Variants in KIFC3 observed in about 807,000 individuals in gnomAD.
KIFC3 encodes the protein kinesin family member C3.
KIFC3 carries 60 observed loss-of-function variants against 101.8 expected under a neutral mutation model. The observed-to-expected ratio is 0.59, with a 90% CI of 0.48 to 0.73. The LOEUF is 0.73. KIFC3 is among the 30% of genes least tolerant of loss of function. The pLI is 0.00. For synonymous variants in KIFC3, 476 were observed against 482.7 expected, an observed-to-expected ratio of 0.99 and a Z score of 0.18; for missense variants, 966 against 1,137.1, an observed-to-expected ratio of 0.85 and a Z score of 2.16.
chr16:57,759,929 A>T (rs1179173675), intron 17 of KIFC3, 93 bp from the exon 18 acceptor site: 2 of 929,814 alleles, frequency 2.2e-6, no homozygotes, highest in African/African-American at 3.4e-5. Flanking sequence ...CCTGCCTCCT[A>T]ACACCCAGTT....
At position 57,758,891 on chromosome 16, in the gene KIFC3, G is replaced by A; in HGVS notation, c.*43C>T. On this transcript the variant is annotated 3_prime_UTR_variant, in exon 20 of 20. Transcript: ENST00000445690. ...CCAGCGGGGTCACATCCGTCACACA[G>A]GCAGTGGCCGCGACTTCCCTGCAGG... is the stretch of plus-strand genomic sequence containing the variant. 4 of 1,588,858 alleles carry A rather than the reference G, an allele frequency of 2.5e-6. No homozygotes were observed. The highest frequency in any genetic ancestry group is 3.4e-6 in the Non-Finnish European group (4 of 1,166,856).
At chr16:57,841,914 C>T (rs1299075480) in intron 1 of KIFC3, among the ~76,000 whole-genome samples, 13 of 151,914 alleles carry the variant, frequency 8.6e-5, no homozygotes, top group Non-Finnish European at 1.5e-4. Flanking sequence ...ACCTCCTCCC[C>T]TCTTCTCAAG....
intron 1 of KIFC3, chr16:57,813,969 T>C (rs1598194204): frequency 3.3e-6 from 2 of 601,772 alleles, no homozygotes; most frequent in African/African-American, 2.0e-5. Flanking sequence ...CCCGCTACTG[T>C]CCTCATGCTA....
intron 3 of KIFC3, chr16:57,779,559 G>A (rs61342589): frequency 0.065 from 9,879 of 152,180 alleles, 602 homozygotes; most frequent in East Asian, 0.14. Context: ...GACTCACACC[G>A]GTAATCCCAG....
intron 13 of KIFC3, among the ~76,000 whole-genome samples, chr16:57,761,801 G>C (rs1197724063): frequency 6.6e-6 from 1 of 152,142 alleles, no homozygotes; most frequent in Non-Finnish European, 1.5e-5. Flanking sequence ...CACAGGTAGG[G>C]GCAAGGATTG....
intron 12 of KIFC3, among the ~76,000 whole-genome samples, chr16:57,763,050 A>G (rs886629162): frequency 6.7e-4 from 102 of 151,848 alleles, no homozygotes; most frequent in African/African-American, 2.0e-3. Flanking sequence ...CCCCCTAGTC[A>G]GTTCCGCATT....
At chr16:57,790,102 C>CA (rs1315414365) in intron 3 of KIFC3, among the ~76,000 whole-genome samples, 2 of 53,226 alleles carry the variant, frequency 3.8e-5, no homozygotes, top group African/African-American at 1.1e-4. Flanking sequence ...TTTTTAAAGA[C>CA]AGAGTTTCAC....
At chr16:57,840,262 C>T (rs778879802) in intron 1 of KIFC3, among the ~76,000 whole-genome samples, 81 of 152,038 alleles carry the variant, frequency 5.3e-4, no homozygotes, top group Non-Finnish European at 6.3e-4. Flanking sequence ...TGCTTGAACC[C>T]GGGAGGTGGA....
chr16:57,764,264 AGGGAGGCTGGTGGGG>A lies in KIFC3; in HGVS notation c.1513-32_1513-18del. ...CTGGAACACCTGGGAGGGTGGTGGG[AGGGAGGCTGGTGGGG>A]GGGCTTCCAGGGCCGCTGGGACCAC... is the stretch of plus-strand genomic sequence containing the variant. On this transcript the variant is annotated intron_variant, in intron 11 of 19. Coordinates refer to ENST00000445690, the MANE Select transcript of KIFC3 (RefSeq NM_001130100.2). The A allele has an allele frequency of 3.5e-6, 2 of 564,976 alleles. No individual in the cohort carries two copies. The highest frequency in any genetic ancestry group is 6.7e-6 in the Non-Finnish European group (2 of 299,652). The allele number at this position is 564,976 out of a possible 1,614,324, so 35.0% of individuals were successfully genotyped here.
intron 16 of KIFC3, 43 bp downstream of exon 16, chr16:57,760,683 C>A (rs782571074): frequency 1.2e-5 from 19 of 1,543,440 alleles, no homozygotes; most frequent in Non-Finnish European, 1.7e-5. Context: ...TAGCGTAGCC[C>A]CTACATGCTA....
intron 1 of KIFC3, among the ~76,000 whole-genome samples, chr16:57,825,714 G>A (rs2055444922): frequency 6.6e-6 from 1 of 152,166 alleles, no homozygotes; most frequent in African/African-American, 2.4e-5. Flanking sequence ...GTCTCACTCT[G>A]TCGCCCAGGC....
At chr16:57,820,741 G>C (rs1264053304) in intron 1 of KIFC3, among the ~76,000 whole-genome samples, 1 of 151,984 alleles carries the variant, frequency 6.6e-6, no homozygotes, top group Non-Finnish European at 1.5e-5. Context: ...ACTTTGTCTT[G>C]TTCCCTGCTG....
chr16:57,845,463 C>T (rs1287012063), intron 1 of KIFC3, among the ~76,000 whole-genome samples: 1 of 152,178 alleles, frequency 6.6e-6, no homozygotes, highest in African/African-American at 2.4e-5. Flanking sequence ...TCTGCAGTGG[C>T]CCTCAAGCCC....
intron 3 of KIFC3, among the ~76,000 whole-genome samples, chr16:57,789,307 C>T (rs1555619232): frequency 6.6e-6 from 1 of 152,346 alleles, no homozygotes; most frequent in East Asian, 1.9e-4. Context: ...CCAGGGGGAA[C>T]ACAGGCAAAG....
intron 17 of KIFC3, chr16:57,760,039 G>C: frequency 1.6e-6 from 1 of 613,332 alleles, no homozygotes; most frequent in Non-Finnish European, 2.8e-6. Context: ...AGTTACCACT[G>C]AGCATCTACT....
chr16:57,855,637 G>T (rs1461134261), intron 1 of KIFC3, among the ~76,000 whole-genome samples: 1 of 151,674 alleles, frequency 6.6e-6, no homozygotes, highest in Admixed American at 6.6e-5. Flanking sequence ...CAGAAGCAAA[G>T]AAATAATAAC....
chr16:57,844,162 G>A (rs903977488), intron 1 of KIFC3, among the ~76,000 whole-genome samples: 1 of 151,862 alleles, frequency 6.6e-6, no homozygotes, highest in African/African-American at 2.4e-5. Flanking sequence ...GCTGGACGCG[G>A]TGGCTCATGC....
chr16:57,813,651 A>G, intron 1 of KIFC3: 1 of 983,854 alleles, frequency 1.0e-6, no homozygotes, highest in Non-Finnish European at 1.2e-6. Flanking sequence ...AGGATTTCCT[A>G]TGCTCTGAAG....
chr16:57,777,989 CTCAAAATAGA>C (rs1449207018), intron 3 of KIFC3, among the ~76,000 whole-genome samples: 16 of 152,148 alleles, frequency 1.1e-4, no homozygotes, highest in African/African-American at 3.9e-4. Flanking sequence ...CAAAAATTAA[CTCAAAATAGA>C]TCAAAGAGGG....
Sources: allele counts gnomAD v4.1 joint callset (sites outside exome capture counted in the v4.1 genomes callset), GRCh38; gene constraint gnomAD v4.1.1; transcripts MANE v1.5; gene names NCBI Gene and HGNC (gene_info 2026-07-23, HGNC 2026-07-21).